The following GRM6 variants were observed in gnomAD, a reference collection of about 807,000 sequenced individuals.
GRM6 encodes the protein glutamate metabotropic receptor 6.
In GRM6, 73 loss-of-function variants were observed where a neutral mutation model predicts 78.4. That is an observed-to-expected ratio of 0.93 (90% CI 0.77 to 1.13). The LOEUF is 1.13. GRM6 is among the 50% of genes most tolerant of loss of function. GRM6 has a pLI of 0.00. For synonymous variants in GRM6, 580 were observed against 555.0 expected, an observed-to-expected ratio of 1.05 and a Z score of -0.63; for missense variants, 1,251 against 1,256.4, an observed-to-expected ratio of 1.00 and a Z score of 0.07.
At chr5:178,985,582 A>C (rs945797751) in intron 9 of GRM6, 4 of 345,822 alleles carry the variant, frequency 1.2e-5, no homozygotes, top group African/African-American at 2.2e-5. Context: ...GGGCGCCTGT[A>C]GTCCCAGCTA....
intron 2 of GRM6, among the ~76,000 whole-genome samples, chr5:178,993,977 T>C (rs994159653): frequency 2.0e-5 from 3 of 152,154 alleles, no homozygotes; most frequent in Admixed American, 1.3e-4. Context: ...CCATCCCCCA[T>C]AGCAGCCCAG....
Position 178,994,769 on chromosome 5 carries a change from T to C in GRM6, c.176A>G (p.Gln59Arg), listed in dbSNP as rs2645329. ...ARGAAGRACG[Q>R]LKKEQGVHRL... is the part of the protein sequence containing the mutation. Reference sequence around the variant, plus strand: ...GTGCACGCCCTGCTCCTTCTTCAGCTGCCCGCACGCCCGGCCCGCCGCGCC... The same window carrying C: ...GTGCACGCCCTGCTCCTTCTTCAGCCGCCCGCACGCCCGGCCCGCCGCGCC... The change falls in exon 2 of 11, where the codon CAG becomes CGG. Residue 59 changes from glutamine to arginine, a missense_variant. Physicochemically the swap from Gln to Arg is conservative, Grantham distance 43. Coordinates refer to ENST00000517717, the MANE Select transcript of GRM6 (RefSeq NM_000843.4). 2 of 1,373,242 alleles carry C rather than the reference T, an allele frequency of 1.5e-6. No homozygotes were observed. Among genetic ancestry groups the C allele is most frequent in the Admixed American group, 2.7e-5 (1 of 37,314 alleles). 85.1% of individuals were successfully genotyped at this position (1,373,242 alleles called of 1,614,324 possible).
chr5:178,986,298 G>A lies in GRM6; in HGVS notation c.1956C>T (p.Ala652=), dbSNP rs62638621. 2.7e-3 allele frequency: 4,349 copies of A among 1,614,050 alleles called. 103 individuals carry two copies. In the African/African-American group the frequency reaches 0.051, roughly 19 times the overall value. The change falls in exon 9 of 11, where the codon GCC becomes GCT. Residue 652 remains alanine, a synonymous_variant. Transcript: ENST00000517717. The stretch of plus-strand genomic sequence containing the variant: ...TGCCCAGGCCCAGGAAGAGCCTGCG[G>A]GCGGCACAGACCGCGGCCCCAGGCT... ...VAEPGAAVCA[A]RRLFLGLGTT...
chr5:178,984,340 G>A (rs2113319044), intron 9 of GRM6, among the ~76,000 whole-genome samples: 1 of 152,306 alleles, frequency 6.6e-6, no homozygotes, highest in African/African-American at 2.4e-5. Flanking sequence ...AATGAGCAAA[G>A]GACAGGAACA....
chr5:178,992,337 G>A lies in GRM6; in HGVS notation c.505-254C>T. ...TGCTGTGCAGGTGGGAGGTATGCAG[G>A]GCTGGGGAGAGGGCAGGACCGCCAC... On this transcript the variant is annotated intron_variant, in intron 2 of 10. Coordinates refer to ENST00000517717, the MANE Select transcript of GRM6 (RefSeq NM_000843.4). This position sits in a 1 kb window ranked among gnomAD's most constrained non-coding sequence, Gnocchi z 4.9. 1.6e-6 allele frequency: 1 copy of A among 636,370 alleles called. No homozygotes were observed. The highest frequency in any genetic ancestry group is 2.9e-6 in the Non-Finnish European group (1 of 341,646). The allele number at this position is 636,370 out of a possible 1,614,324, so 39.4% of individuals were successfully genotyped here.
At chr5:178,983,780 A>C (rs1760454437) in intron 9 of GRM6, among the ~76,000 whole-genome samples, 1 of 151,924 alleles carries the variant, frequency 6.6e-6, no homozygotes, top group South Asian at 2.1e-4. Context: ...TGGAGTTACC[A>C]CTCCCTCACA....
At chr5:178,990,546 G>A in intron 5 of GRM6, 46 bp downstream of exon 5, 1 of 1,496,424 alleles carries the variant, frequency 6.7e-7, no homozygotes, top group Non-Finnish European at 9.3e-7. Context: ...AAGAGGGGGT[G>A]CTGGGGAGAC....
chr5:178,993,721 C>T (rs976792833), intron 2 of GRM6, among the ~76,000 whole-genome samples: 1 of 152,266 alleles, frequency 6.6e-6, no homozygotes, highest in East Asian at 1.9e-4. Context: ...CCAAAGCCCT[C>T]CTAATCCCGA....
chr5:178,986,041 C>T lies in GRM6; in HGVS notation c.2124+89G>A, dbSNP rs185849449. 587 of 1,223,564 alleles carry T rather than the reference C, an allele frequency of 4.8e-4. 10 individuals carry two copies. Among genetic ancestry groups the T allele is most frequent in the South Asian group, 4.7e-3 (326 of 69,000 alleles). The allele number at this position is 1,223,564 out of a possible 1,614,324, so 75.8% of individuals were successfully genotyped here. On this transcript the variant is annotated intron_variant, in intron 9 of 10. Coordinates refer to ENST00000517717, the MANE Select transcript of GRM6 (RefSeq NM_000843.4). ...CCTCCAAAGGTGCTGGGACTACAGG[C>T]GTGTGCCACTGTGCCTGGCCCTTTT... is the stretch of plus-strand genomic sequence containing the variant.
rs1476610196 is a variant in GRM6 at position 178,991,568 on chromosome 5, TG to T, written c.722-10del. The T allele has an allele frequency of 6.2e-7, 1 of 1,613,728 alleles. No homozygotes were observed. The highest frequency in any genetic ancestry group is 1.7e-5 in the Admixed American group (1 of 60,014). On this transcript the variant is annotated splice_polypyrimidine_tract_variant and intron_variant, in intron 3 of 10. Coordinates refer to ENST00000517717, the MANE Select transcript of GRM6 (RefSeq NM_000843.4). The surrounding 1 kb of genome is among the most constrained non-coding windows in gnomAD (Gnocchi z 5.0). ...GGCAATACAGACCCCCCCTGGGCGT[TG>T]GGGGTGCCAGAGTCAGCTTCCGTCC...
rs1252720268 is a variant in GRM6, at chr5:178,980,093, T to G, written c.*1564A>C. 4 of 154,320 alleles carry G rather than the reference T, an allele frequency of 2.6e-5. No homozygotes were observed. The highest frequency in any genetic ancestry group is 5.9e-5 in the Non-Finnish European group (4 of 68,212). 9.6% of individuals were successfully genotyped at this position (154,320 alleles called of 1,614,324 possible). ...GAGGAGAAGCTTTTAAGTTAATTAC[T>G]TAAAACCTGCAGAAGCACCTAGTCC... is the stretch of plus-strand genomic sequence containing the variant. On this transcript the variant is annotated 3_prime_UTR_variant, in exon 11 of 11. Transcript: ENST00000517717. The surrounding 1 kb of genome is among the most constrained non-coding windows in gnomAD (Gnocchi z 4.3).
In GRM6 at chr5:178,994,760, T is replaced by G; in HGVS notation, c.185A>C (p.Lys62Thr). 1 of 1,402,034 alleles carries G rather than the reference T, an allele frequency of 7.1e-7. No homozygotes were observed. Among genetic ancestry groups the G allele is most frequent in the Non-Finnish European group, 9.3e-7 (1 of 1,072,570 alleles). The allele number at this position is 1,402,034 out of a possible 1,614,324, so 86.8% of individuals were successfully genotyped here. A position where few individuals can be genotyped will look rare whatever the true frequency, so the allele number is the denominator to read the frequency against. ...CTCCAGCCGGTGCACGCCCTGCTCC[T>G]TCTTCAGCTGCCCGCACGCCCGGCC... ...AAGRACGQLK[K>T]EQGVHRLEAM... Residue 62 changes from lysine to threonine, a missense_variant, in exon 2 of 11, where the codon AAG (lysine) becomes ACG (threonine). Coordinates refer to ENST00000517717, the MANE Select transcript of GRM6 (RefSeq NM_000843.4).
At chr5:178,985,311 T>G (rs779912912) in intron 9 of GRM6, 8 of 454,310 alleles carry the variant, frequency 1.8e-5, no homozygotes, top group African/African-American at 1.4e-4. Context: ...CCCACCTGAC[T>G]GCCCCGTTTT....
rs374906391 is a variant in GRM6 at position 178,986,223 on chromosome 5, G to A, written c.2031C>T (p.Arg677=). 2.5e-5 allele frequency: 41 copies of A among 1,614,106 alleles called. 1 individual carries two copies. The African/African-American group carries it at 4.3e-4, about 17-fold the overall frequency. Reference sequence around the variant, plus strand: ...CCGAGCGCTTGCCCTGCTCAAAGATGCGGTAGATACGGTTGGTCTTGGTGA... The same window carrying A: ...CCGAGCGCTTGCCCTGCTCAAAGATACGGTAGATACGGTTGGTCTTGGTGA... The part of the protein sequence containing the change: ...ALLTKTNRIY[R]IFEQGKRSVT... Residue 677 remains arginine, a synonymous_variant, in exon 9 of 11, where the codon CGC becomes CGT. Transcript: ENST00000517717.
In GRM6 at chr5:178,986,068, G is replaced by A; in HGVS notation, c.2124+62C>T. On this transcript the variant is annotated intron_variant, in intron 9 of 10. Coordinates refer to ENST00000517717, the MANE Select transcript of GRM6 (RefSeq NM_000843.4). ...TGTGCCACTGTGCCTGGCCCTTTTGGCTTTGTAACGTTGCGGACAGTCCCC... is the reference window on the plus strand; with the variant it reads ...TGTGCCACTGTGCCTGGCCCTTTTGACTTTGTAACGTTGCGGACAGTCCCC... 4 of 1,497,426 alleles carry A rather than the reference G, an allele frequency of 2.7e-6. No individual in the cohort carries two copies. In the South Asian group the frequency reaches 5.0e-5, roughly 19 times the overall value. The allele number at this position is 1,497,426 out of a possible 1,614,324, so 92.8% of individuals were successfully genotyped here. A position where few individuals can be genotyped will look rare whatever the true frequency, so the allele number is the denominator to read the frequency against.
chr5:178,984,481 T>C (rs1180575193), intron 9 of GRM6, among the ~76,000 whole-genome samples: 1 of 152,168 alleles, frequency 6.6e-6, no homozygotes, highest in Non-Finnish European at 1.5e-5. Context: ...CCTAGGCCAG[T>C]TGCAGGCTTG....
Position 178,983,231 on chromosome 5 carries a change from C to A in GRM6, c.2125-10G>T, listed in dbSNP as rs1373922410. On this transcript the variant is annotated splice_polypyrimidine_tract_variant and intron_variant, in intron 9 of 10. Transcript: ENST00000517717. ...CTATCATCCCCACCACCTGCAGGAGCCAACACTGCATCAGACACAGCACTT... is the reference window on the plus strand; with the variant it reads ...CTATCATCCCCACCACCTGCAGGAGACAACACTGCATCAGACACAGCACTT... 8.1e-6 allele frequency: 13 copies of A among 1,607,280 alleles called. No individual in the cohort carries two copies. Among genetic ancestry groups the A allele is most frequent in the Non-Finnish European group, 1.1e-5 (13 of 1,175,732 alleles).
chr5:178,986,778 G>T (rs1291912627), intron 8 of GRM6, 25 bp from the exon 9 acceptor site: 1 of 1,610,680 alleles, frequency 6.2e-7, no homozygotes, highest in African/African-American at 1.3e-5. Context: ...ACACAGGCTG[G>T]GGCGTCTGCC....
Position 178,983,005 on chromosome 5 carries a change from C to T in GRM6, c.2341G>A (p.Glu781Lys), listed in dbSNP as rs62638625. Residue 781 changes from glutamate (E) to lysine (K), a missense_variant, in exon 10 of 11, where the codon GAG (glutamate) becomes AAG (lysine). By Grantham distance (56) the Glu-to-Lys change is moderately conservative (BLOSUM62 1). Coordinates refer to ENST00000517717, the MANE Select transcript of GRM6 (RefSeq NM_000843.4). ...ATGGTGAAGCCGATGGGCTTGGCCT[C>T]GTTGAAGGTCTCGGGCACGCCACGG... ...KARGVPETFNEAKPIGFTMYT... is the reference protein window; with the variant it reads ...KARGVPETFNKAKPIGFTMYT... The T allele has an allele frequency of 5.6e-5, 91 of 1,614,014 alleles. No individual in the cohort carries two copies. In the Admixed American group the frequency reaches 1.2e-3, roughly 21 times the overall value.
Sources: allele counts gnomAD v4.1 joint callset (sites outside exome capture counted in the v4.1 genomes callset), GRCh38; gene constraint gnomAD v4.1.1; non-coding constraint Gnocchi (gnomAD v3.1); transcripts MANE v1.5; gene names NCBI Gene and HGNC (gene_info 2026-07-23, HGNC 2026-07-21).